The following SRGAP2B variants were observed in gnomAD, a reference collection of about 807,000 sequenced individuals.
SRGAP2B encodes SLIT-ROBO Rho GTPase-activating protein 2B.
SRGAP2B carries 9 observed loss-of-function variants against 22.2 expected under a neutral mutation model. The observed-to-expected ratio is 0.41, with a 90% CI of 0.24 to 0.71. The LOEUF (loss-of-function observed/expected upper bound fraction) is 0.71. SRGAP2B is among the 30% of genes least tolerant of loss of function. The probability of loss-of-function intolerance (pLI) is 0.35; values close to 1 mark genes in which losing one functional copy is unlikely to be tolerated. For missense variants in SRGAP2B, 114 were observed against 235.8 expected (o/e 0.48, Z 3.38); for synonymous variants, 36 against 87.4 (o/e 0.41, Z 3.28).
chr1:144,993,900 G>C (rs1453374511), intron 3 of SRGAP2B, among the ~76,000 whole-genome samples: 2 of 150,494 alleles, frequency 1.3e-5, no homozygotes, highest in African/African-American at 5.0e-5. Context: ...TGGGCTGCAT[G>C]GGGGCCAGGA....
intron 2 of SRGAP2B, among the ~76,000 whole-genome samples, chr1:145,020,557 A>G (rs1672728521): frequency 6.8e-6 from 1 of 147,282 alleles, no homozygotes; most frequent in Non-Finnish European, 1.5e-5. Flanking sequence ...AATACTAGCA[A>G]TTTATATATT....
At position 144,951,635 on chromosome 1, in the gene SRGAP2B, A is replaced by C. The variant is rs1255852792; in HGVS notation, c.423+3804T>G. Reference sequence around the variant, plus strand: ...CCTGGCACATAGAGGTTCAAAATATAATGACTTCTATTATCATAATTTTTG... The same window carrying C: ...CCTGGCACATAGAGGTTCAAAATATCATGACTTCTATTATCATAATTTTTG... On this transcript the variant is annotated intron_variant, in intron 4 of 9. Coordinates refer to ENST00000612199, the Ensembl canonical transcript of SRGAP2B. 3.2e-4 allele frequency among the ~76,000 whole-genome samples: 48 copies of C among 150,132 alleles called. 4 individuals carry two copies. Among genetic ancestry groups the C allele is most frequent in the African/African-American group, 1.2e-3 (46 of 39,854 alleles).
chr1:145,000,490 G>A (rs7536026), intron 2 of SRGAP2B, among the ~76,000 whole-genome samples: 2 of 137,280 alleles, frequency 1.5e-5, no homozygotes, highest in African/African-American at 2.9e-5. Context: ...GCCCTGCCAC[G>A]CTGACAATCA....
intron 3 of SRGAP2B, among the ~76,000 whole-genome samples, chr1:144,964,455 G>A (rs1553611774): frequency 6.6e-6 from 1 of 150,428 alleles, no homozygotes. Flanking sequence ...TATGTCCATT[G>A]GCTTGTGTAC....
In SRGAP2B at chr1:144,944,169, A is replaced by C. The variant is rs587732249; in HGVS notation, c.423+11270T>G. Reference sequence around the variant, plus strand: ...ATAATCTTCAGAGGAAGATAAGTACATCTAGAGTTTCTATGACATATTATC... The same window carrying C: ...ATAATCTTCAGAGGAAGATAAGTACCTCTAGAGTTTCTATGACATATTATC... On this transcript the variant is annotated intron_variant, in intron 4 of 9. Transcript: ENST00000612199. Among the ~76,000 whole-genome samples, 172 of 150,730 alleles carry C rather than the reference A, an allele frequency of 1.1e-3. 10 individuals are homozygous for C. The highest frequency in any genetic ancestry group is 4.2e-3 in the African/African-American group (168 of 40,298).
intron 3 of SRGAP2B, among the ~76,000 whole-genome samples, chr1:144,960,589 G>C (rs1363017734): frequency 5.3e-5 from 8 of 150,406 alleles, no homozygotes; most frequent in Non-Finnish European, 1.2e-4. Context: ...AGTCTATAAA[G>C]GTCCAAGTTG....
rs1553635322 is a variant in SRGAP2B, at chr1:145,085,299, AT to A, written c.67+7535del. 2.3e-5 allele frequency among the ~76,000 whole-genome samples: 3 copies of A among 128,298 alleles called. No individual in the cohort carries two copies. In the Admixed American group the frequency reaches 2.4e-4, roughly 10 times the overall value. The allele number at this position is 128,298 out of a possible 152,430, so 84.2% of individuals were successfully genotyped here. ...TTTGTCCACTCCTAACATGGCCATG[AT>A]TTTTTTTCTTTTCTTTCTCACTCCA... On this transcript the variant is annotated intron_variant, in intron 2 of 9. Coordinates refer to ENST00000612199, the Ensembl canonical transcript of SRGAP2B.
chr1:144,944,293 T>C (rs1404558875), intron 4 of SRGAP2B, among the ~76,000 whole-genome samples: 1 of 150,436 alleles, frequency 6.6e-6, no homozygotes, highest in Non-Finnish European at 1.5e-5. Flanking sequence ...ATGTTAAAAA[T>C]AGCAAACAAG....
intron 4 of SRGAP2B, chr1:144,918,565 C>T: frequency 1.6e-5 from 2 of 124,182 alleles, no homozygotes; most frequent in South Asian, 6.1e-4. Flanking sequence ...CTGAAATGCA[C>T]TGTGTCATCT....
At chr1:144,941,500 A>G (rs1163292819) in intron 4 of SRGAP2B, among the ~76,000 whole-genome samples, 1 of 150,124 alleles carries the variant, frequency 6.7e-6, no homozygotes, top group Non-Finnish European at 1.5e-5. Flanking sequence ...GAGAAAAAGG[A>G]AAAAAAGAAA....
At chr1:145,068,198 G>A (rs1353322258) in intron 2 of SRGAP2B, among the ~76,000 whole-genome samples, 4 of 47,150 alleles carry the variant, frequency 8.5e-5, no homozygotes, top group Non-Finnish European at 1.3e-4. Context: ...GCGAGACTCC[G>A]TCTCAAAAAA....
chr1:145,007,631 A>G (rs1281215373), intron 2 of SRGAP2B, among the ~76,000 whole-genome samples: 1 of 150,640 alleles, frequency 6.6e-6, no homozygotes, highest in Non-Finnish European at 1.5e-5. Context: ...CCTACTAGCT[A>G]TGTGTGACCT....
At chr1:145,047,143 C>T (rs1649876243) in intron 2 of SRGAP2B, among the ~76,000 whole-genome samples, 1 of 133,498 alleles carries the variant, frequency 7.5e-6, no homozygotes, top group Admixed American at 7.6e-5. Context: ...ACCACTGCAC[C>T]CCAGACTGGG....
intron 2 of SRGAP2B, among the ~76,000 whole-genome samples, chr1:145,064,266 C>T (rs1291107304): frequency 2.0e-5 from 3 of 146,764 alleles, no homozygotes; most frequent in East Asian, 1.9e-4. Context: ...TGCTGGTAGA[C>T]AAAACACAGG....
chr1:144,927,369 A>AGTCTGCTG lies in SRGAP2B; in HGVS notation c.424-12623_424-12616dup, dbSNP rs1274219587. ...GCCATTTAGTATTTCTTTTAGTGCA[A>AGTCTGCTG]GTCTGCTGGTGATATATTTTCTCAT... is the stretch of plus-strand genomic sequence containing the variant. On this transcript the variant is annotated intron_variant, in intron 4 of 9. Transcript: ENST00000612199. Among the ~76,000 whole-genome samples the AGTCTGCTG allele has an allele frequency of 8.6e-5, 13 of 150,806 alleles. 1 individual carries two copies. Among genetic ancestry groups the AGTCTGCTG allele is most frequent in the African/African-American group, 2.2e-4 (9 of 40,316 alleles).
intron 2 of SRGAP2B, among the ~76,000 whole-genome samples, chr1:145,041,263 T>G (rs587710170): frequency 9.4e-6 from 1 of 106,248 alleles, no homozygotes; most frequent in African/African-American, 3.9e-5. Flanking sequence ...ATCTAAACTG[T>G]TATTGCCTCT....
At chr1:145,062,648 C>A (rs1312644886) in intron 2 of SRGAP2B, among the ~76,000 whole-genome samples, 1 of 150,536 alleles carries the variant, frequency 6.6e-6, no homozygotes, top group African/African-American at 2.4e-5. Flanking sequence ...GTTCTGCCAT[C>A]GAGATGCAGT....
chr1:144,919,900 C>T (rs1443612250), intron 4 of SRGAP2B: 3 of 147,056 alleles, frequency 2.0e-5, no homozygotes, highest in Admixed American at 1.3e-4. Flanking sequence ...CTTATGTGTC[C>T]GGAGTTGGTT....
chr1:144,945,235 AATTTTTCTCAAATTGAGGAAAAATTTGAT>A (rs1203481252), intron 4 of SRGAP2B, among the ~76,000 whole-genome samples: 3 of 147,838 alleles, frequency 2.0e-5, no homozygotes, highest in Non-Finnish European at 4.4e-5. Context: ...ATTTGCCAAA[AATTTTTCTCAAATTGAGGAAAAATTTGAT>A]ATTTTTCCTA....
Sources: allele counts gnomAD v4.1 joint callset (sites outside exome capture counted in the v4.1 genomes callset), GRCh38; gene constraint gnomAD v4.1.1; transcripts MANE v1.5; gene names NCBI Gene and HGNC (gene_info 2026-07-23, HGNC 2026-07-21).